The following CGNL1 variants were observed in gnomAD, a reference collection of about 807,000 sequenced individuals.
CGNL1 encodes the protein cingulin like 1, also known as cingulin-like protein 1.
In CGNL1, 132 loss-of-function variants were observed where a neutral mutation model predicts 141.2. The ratio of observed to expected loss-of-function variants is 0.93; its 90% CI spans 0.81 to 1.08. The LOEUF (loss-of-function observed/expected upper bound fraction) is 1.08, where lower values mean the gene tolerates loss of function less well. Ranked by LOEUF, CGNL1 falls within the 50% of genes least tolerant of loss-of-function variation. The pLI is 0.00. For missense variants in CGNL1, 1,870 were observed against 1,588.6 expected (o/e 1.18, Z -3.01); for synonymous variants, 690 against 622.1 (o/e 1.11, Z -1.63).
At chr15:57,412,176 G>A (rs965179690) in intron 1 of CGNL1, among the ~76,000 whole-genome samples, 8 of 152,174 alleles carry the variant, frequency 5.3e-5, no homozygotes, top group Non-Finnish European at 8.8e-5. Flanking sequence ...TGAGATTCTC[G>A]TTTATTTCTG....
chr15:57,516,698 C>A (rs2030827611), intron 8 of CGNL1, 82 bp from the exon 9 acceptor site: 2 of 1,450,322 alleles, frequency 1.4e-6, no homozygotes, highest in Non-Finnish European at 1.9e-6. Context: ...ATGGGTTTTT[C>A]ATAAATGCCA....
chr15:57,508,913 AG>A (rs2029970446), intron 8 of CGNL1, among the ~76,000 whole-genome samples: 1 of 152,234 alleles, frequency 6.6e-6, no homozygotes, highest in Non-Finnish European at 1.5e-5. Context: ...CCAAGATTAG[AG>A]ACCTTATGCC....
At chr15:57,531,003 C>A (rs1158272096) in intron 13 of CGNL1, among the ~76,000 whole-genome samples, 1 of 152,224 alleles carries the variant, frequency 6.6e-6, no homozygotes, top group African/African-American at 2.4e-5. Context: ...TGACAACCCC[C>A]AGTTGTAAGT....
chr15:57,520,540 A>C (rs1328825283), intron 10 of CGNL1, among the ~76,000 whole-genome samples: 1 of 152,230 alleles, frequency 6.6e-6, no homozygotes, highest in Admixed American at 6.5e-5. Context: ...GGTTAGCTCA[A>C]TGCCCTACCG....
At chr15:57,489,366 A>G (rs542786954) in intron 8 of CGNL1, among the ~76,000 whole-genome samples, 215 of 152,342 alleles carry the variant, frequency 1.4e-3, no homozygotes, top group Non-Finnish European at 2.2e-3. Flanking sequence ...CATGTCAGGT[A>G]TGTGATTCTG....
intron 8 of CGNL1, among the ~76,000 whole-genome samples, chr15:57,464,503 G>T (rs1371279994): frequency 1.3e-5 from 2 of 152,222 alleles, no homozygotes; most frequent in South Asian, 2.1e-4. Context: ...GCGGTGTCTG[G>T]CAAGTGAAAG....
chr15:57,473,899 CTTTTTTTTTTTTT>C (rs59761174), intron 8 of CGNL1, among the ~76,000 whole-genome samples: 1 of 70,668 alleles, frequency 1.4e-5, no homozygotes, highest in Non-Finnish European at 2.5e-5. Context: ...TCTTCTTCTT[CTTTTTTTTTTTTT>C]TTTTTTTTTT....
chr15:57,385,337 C>G (rs1235099853), intron 1 of CGNL1, among the ~76,000 whole-genome samples: 1 of 152,154 alleles, frequency 6.6e-6, no homozygotes, highest in Non-Finnish European at 1.5e-5. Flanking sequence ...AGTTCAAGAC[C>G]AGCCTAGCCA....
At chr15:57,463,441 A>G (rs990585034) in intron 8 of CGNL1, among the ~76,000 whole-genome samples, 8 of 152,208 alleles carry the variant, frequency 5.3e-5, no homozygotes, top group African/African-American at 1.4e-4. Context: ...CGACAACTAC[A>G]TTGACCCATA....
chr15:57,520,246 T>G (rs1292933634), intron 10 of CGNL1, among the ~76,000 whole-genome samples: 1 of 152,254 alleles, frequency 6.6e-6, no homozygotes, highest in East Asian at 1.9e-4. Context: ...TCTGAAATAC[T>G]TTGTTTTCTT....
At chr15:57,419,013 C>T (rs1050649308) in intron 1 of CGNL1, among the ~76,000 whole-genome samples, 13 of 151,976 alleles carry the variant, frequency 8.6e-5, no homozygotes, top group African/African-American at 9.7e-5. Flanking sequence ...CTGCAACCTC[C>T]GCCTCCCGGA....
Position 57,440,489 on chromosome 15 carries a change from T to C in CGNL1, c.1697+18T>C. The C allele has an allele frequency of 6.6e-7, 1 of 1,526,480 alleles. No individual in the cohort carries two copies. Among genetic ancestry groups the C allele is most frequent in the Non-Finnish European group, 9.0e-7 (1 of 1,117,144 alleles). The allele number at this position is 1,526,480 out of a possible 1,614,324, so 94.6% of individuals were successfully genotyped here. On this transcript the variant is annotated intron_variant, in intron 3 of 18. Transcript: ENST00000281282. Reference sequence around the variant, plus strand: ...AAAGAAGGGTTAGTGATTTTCCCTCTGAAAGAGCAAAGTATTGTTGTTTCT... The same window carrying C: ...AAAGAAGGGTTAGTGATTTTCCCTCCGAAAGAGCAAAGTATTGTTGTTTCT...
intron 1 of CGNL1, among the ~76,000 whole-genome samples, chr15:57,409,763 GA>G (rs1355774597): frequency 2.0e-5 from 3 of 152,178 alleles, no homozygotes; most frequent in Admixed American, 2.0e-4. Context: ...TAGACATTTA[GA>G]AGCTGCTAAA....
chr15:57,376,984 C>A (rs142593885), intron 1 of CGNL1: 2 of 152,346 alleles, frequency 1.3e-5, no homozygotes, highest in Non-Finnish European at 2.9e-5. Flanking sequence ...AAGTCCTCGG[C>A]GTGCTCGGCC....
chr15:57,441,250 GA>G (rs1312704375), intron 3 of CGNL1, among the ~76,000 whole-genome samples: 27 of 150,662 alleles, frequency 1.8e-4, no homozygotes, highest in East Asian at 1.6e-3. Context: ...TTGAAAGGGG[GA>G]AAAAAAAAGT....
rs774776336 is a variant in CGNL1, at chr15:57,452,246, C to A, written c.2011C>A (p.Arg671=). ...KVEENSTLQQ[R]LEESEGELRK... ...GGAGGAGAACTCCACATTGCAGCAA[C>A]GACTGGAAGAAAGTGAAGGGGAGCT... The change falls in exon 6 of 19, where the codon CGA becomes AGA. Residue 671 remains arginine (R), a synonymous_variant. Coordinates refer to ENST00000281282, the MANE Select transcript of CGNL1 (RefSeq NM_032866.5). The A allele has an allele frequency of 1.2e-6, 2 of 1,613,794 alleles. No individual in the cohort carries two copies. Among genetic ancestry groups the A allele is most frequent in the Non-Finnish European group, 1.7e-6 (2 of 1,179,928 alleles).
chr15:57,420,105 A>G (rs1051677686), intron 1 of CGNL1, among the ~76,000 whole-genome samples: 2 of 152,062 alleles, frequency 1.3e-5, no homozygotes, highest in Non-Finnish European at 2.9e-5. Context: ...TTTTTTAAGT[A>G]CTTGTTTAAT....
intron 1 of CGNL1, among the ~76,000 whole-genome samples, chr15:57,414,897 T>A (rs2062831664): frequency 6.6e-6 from 1 of 152,208 alleles, no homozygotes; most frequent in Non-Finnish European, 1.5e-5. Flanking sequence ...TCCGAAGTTG[T>A]AGTGGTTAAG....
intron 1 of CGNL1, among the ~76,000 whole-genome samples, chr15:57,413,138 G>A (rs979695969): frequency 6.6e-6 from 1 of 151,924 alleles, no homozygotes; most frequent in African/African-American, 2.4e-5. Context: ...GGATTAGGGC[G>A]TGAGCCACCA....
Sources: gnomAD v4.1 joint callset for allele counts (sites outside exome capture counted in the v4.1 genomes callset) on GRCh38, gnomAD v4.1.1 for gene constraint, MANE v1.5 for transcripts, NCBI Gene and HGNC (gene_info 2026-07-23, HGNC 2026-07-21) for gene names.